The following NEBL variants were observed in gnomAD, a reference collection of about 807,000 sequenced individuals.
NEBL encodes LIM and SH3 protein 2.
Under a neutral mutation model 140.2 loss-of-function variants are expected in NEBL, and 122 were observed. That is an observed-to-expected ratio of 0.87 (90% CI 0.75 to 1.01). The LOEUF is 1.01. Ranked by LOEUF, NEBL falls within the 50% of genes least tolerant of loss-of-function variation. NEBL has a pLI of 0.00. For synonymous variants in NEBL, 436 were observed against 398.9 expected, an observed-to-expected ratio of 1.09 and a Z score of -1.11; for missense variants, 1,365 against 1,231.3, an observed-to-expected ratio of 1.11 and a Z score of -1.62.
chr10:21,063,374 T>C (rs781575076), intron 2 of NEBL, among the ~76,000 whole-genome samples: 4 of 152,194 alleles, frequency 2.6e-5, no homozygotes, highest in Non-Finnish European at 5.9e-5. Flanking sequence ...TCCCAATTAA[T>C]AGTTAATCAC....
At chr10:20,877,352 C>A (rs1361052120) in intron 5 of NEBL, among the ~76,000 whole-genome samples, 1 of 152,208 alleles carries the variant, frequency 6.6e-6, no homozygotes, top group Admixed American at 6.5e-5. Context: ...ACATTTTAAC[C>A]AATGTCTGAC....
intron 4 of NEBL, among the ~76,000 whole-genome samples, chr10:20,923,283 G>T (rs1425468649): frequency 6.6e-6 from 1 of 151,948 alleles, no homozygotes; most frequent in Non-Finnish European, 1.5e-5. Flanking sequence ...GCCCACGCTG[G>T]TCTCAAACCC....
At chr10:21,061,732 T>G (rs1835315592) in intron 2 of NEBL, among the ~76,000 whole-genome samples, 1 of 152,106 alleles carries the variant, frequency 6.6e-6, no homozygotes, top group African/African-American at 2.4e-5. Context: ...TTTTTATCCC[T>G]AAAAGTGGTT....
intron 2 of NEBL, chr10:21,112,741 TA>T (rs11342075): frequency 0.44 from 61,612 of 138,896 alleles, 13,865 homozygotes; most frequent in African/African-American, 0.68. Context: ...TAAAGTATAA[TA>T]AAAAAAAAAA....
intron 2 of NEBL, among the ~76,000 whole-genome samples, chr10:21,117,369 GTTC>G (rs1308138564): frequency 6.6e-6 from 1 of 152,062 alleles, no homozygotes; most frequent in Non-Finnish European, 1.5e-5. Context: ...TCACCTCTCT[GTTC>G]TCCTAACCTT....
intron 4 of NEBL, among the ~76,000 whole-genome samples, chr10:20,916,877 G>T (rs1328726089): frequency 6.6e-6 from 1 of 152,124 alleles, no homozygotes; most frequent in Non-Finnish European, 1.5e-5. Context: ...GCAGTGTATT[G>T]ACATGGGGAA....
rs571054411 is a variant in NEBL at position 21,036,261 on chromosome 10, G to A, written c.165-16060C>T. 1.7e-3 allele frequency among the ~76,000 whole-genome samples: 260 copies of A among 152,128 alleles called. 1 individual carries two copies. Among genetic ancestry groups the A allele is most frequent in the African/African-American group, 6.0e-3 (249 of 41,516 alleles). On this transcript the variant is annotated intron_variant, in intron 2 of 6. Transcript: ENST00000417816. ...GGATTGCTTGATCCCAGAGACCAAC[G>A]TGGGCAACATAGCAAGACCTCCTTT...
chr10:21,238,838 T>C (rs1025609972), intron 3 of NEBL, among the ~76,000 whole-genome samples: 2 of 151,986 alleles, frequency 1.3e-5, no homozygotes, highest in Non-Finnish European at 2.9e-5. Context: ...GTGGCAGGTG[T>C]CTGACTAGTT....
chr10:21,284,825 G>C (rs1226059636), intron 1 of NEBL, among the ~76,000 whole-genome samples: 3 of 152,080 alleles, frequency 2.0e-5, no homozygotes, highest in Non-Finnish European at 2.9e-5. Flanking sequence ...ACTGAGTTTT[G>C]CATCAAAATT....
chr10:21,233,787 GC>G (rs1375336263), intron 3 of NEBL, among the ~76,000 whole-genome samples: 121 of 127,596 alleles, frequency 9.5e-4, no homozygotes, highest in South Asian at 2.7e-3. Flanking sequence ...GCATATATAT[GC>G]ATATATATTA....
chr10:21,132,508 T>C (rs1013775613), intron 2 of NEBL, among the ~76,000 whole-genome samples: 1 of 152,222 alleles, frequency 6.6e-6, no homozygotes, highest in Non-Finnish European at 1.5e-5. Context: ...TACCAAGAAG[T>C]AGAATTACTG....
Position 20,784,863 on chromosome 10 carries a change from T to C in NEBL, c.*884A>G, listed in dbSNP as rs1017495326. ...ATCTTTTCAAAGTATGTTTTTCTGATGAGCTGGCGACTAGAGGAAGAAAGG... is the reference window on the plus strand; with the variant it reads ...ATCTTTTCAAAGTATGTTTTTCTGACGAGCTGGCGACTAGAGGAAGAAAGG... On this transcript the variant is annotated 3_prime_UTR_variant, in exon 28 of 28. Transcript: ENST00000377122. 3.3e-5 allele frequency: 5 copies of C among 152,388 alleles called. No homozygotes were observed. Among genetic ancestry groups the C allele is most frequent in the African/African-American group, 1.2e-4 (5 of 41,468 alleles). The allele number at this position is 152,388 out of a possible 1,614,324, so 9.4% of individuals were successfully genotyped here.
At chr10:21,098,309 G>A (rs960381113) in intron 2 of NEBL, among the ~76,000 whole-genome samples, 18 of 152,006 alleles carry the variant, frequency 1.2e-4, no homozygotes, top group African/African-American at 2.9e-4. Context: ...ACATTTTCAC[G>A]CATCCACACA....
chr10:21,027,706 G>C lies in NEBL; in HGVS notation c.165-7505C>G, dbSNP rs77559905. On this transcript the variant is annotated intron_variant, in intron 2 of 6. Transcript: ENST00000417816. ...ACTGGCTTTTTAGCTCCTCCTCTCT[G>C]AGTTAGGAGAGAGACCAATCTCTTT... 8.3e-4 allele frequency among the ~76,000 whole-genome samples: 127 copies of C among 152,160 alleles called. 1 individual carries two copies. The highest frequency in any genetic ancestry group is 3.0e-3 in the African/African-American group (124 of 41,500).
chr10:21,088,573 T>C (rs1208349666), intron 2 of NEBL, among the ~76,000 whole-genome samples: 1 of 152,216 alleles, frequency 6.6e-6, no homozygotes, highest in Non-Finnish European at 1.5e-5. Flanking sequence ...ATGGCCACTC[T>C]GAGTGCAGCC....
rs566917120 is a variant in NEBL at position 20,935,734 on chromosome 10, T to C, written c.357+25938A>G. 4.8e-4 allele frequency among the ~76,000 whole-genome samples: 73 copies of C among 152,332 alleles called. 1 individual carries two copies. Among genetic ancestry groups the C allele is most frequent in the Admixed American group, 2.6e-3 (40 of 15,302 alleles). ...ACAATGCTTGTAAGGATGCAAAGAA[T>C]CATTAGGAAATTATCTAAAAATCTT... On this transcript the variant is annotated intron_variant, in intron 4 of 6. Transcript: ENST00000417816.
intron 3 of NEBL, among the ~76,000 whole-genome samples, chr10:20,997,227 A>G (rs1171596854): frequency 1.3e-5 from 2 of 152,074 alleles, no homozygotes; most frequent in Non-Finnish European, 2.9e-5. Context: ...AAACATTTAC[A>G]ATGGTGGGGT....
intron 4 of NEBL, among the ~76,000 whole-genome samples, chr10:20,960,430 T>A (rs1835998328): frequency 6.6e-6 from 1 of 151,992 alleles, no homozygotes; most frequent in South Asian, 2.1e-4. Context: ...GAGACAAATG[T>A]CATGAAGTCT....
At chr10:21,030,848 T>C (rs1758402692) in intron 2 of NEBL, 2 of 330,362 alleles carry the variant, frequency 6.1e-6, no homozygotes, top group South Asian at 5.2e-5. Flanking sequence ...CATGCAGGGG[T>C]GGTATTCAAA....
Sources: gnomAD v4.1 joint callset for allele counts (sites outside exome capture counted in the v4.1 genomes callset) on GRCh38, gnomAD v4.1.1 for gene constraint, MANE v1.5 for transcripts, NCBI Gene and HGNC (gene_info 2026-07-23, HGNC 2026-07-21) for gene names.